The following CACNA1D variants were observed in gnomAD, a reference collection of about 807,000 sequenced individuals.
CACNA1D encodes voltage-dependent L-type calcium channel subunit alpha-1D.
Under a neutral mutation model 257.1 loss-of-function variants are expected in CACNA1D, and 55 were observed. The observed-to-expected ratio is 0.21, with a 90% CI of 0.17 to 0.27. CACNA1D has a LOEUF of 0.27. Ranked by LOEUF, CACNA1D falls within the 10% of genes least tolerant of loss-of-function variation. The pLI, the probability that CACNA1D is intolerant of heterozygous loss-of-function variation, is 1.00. For missense variants in CACNA1D, 1,876 were observed against 2,784.0 expected, an observed-to-expected ratio of 0.67 and a Z score of 7.34; for synonymous variants, 980 against 1,014.9, an observed-to-expected ratio of 0.97 and a Z score of 0.65.
In CACNA1D at chr3:53,800,773, G is replaced by A; in HGVS notation, c.5041-285G>A. Reference sequence around the variant, plus strand: ...AACCTTGGGGCCACCAGCCAGCCCAGCTGGGTATAAGTCACCCCAACTTGG... The same window carrying A: ...AACCTTGGGGCCACCAGCCAGCCCAACTGGGTATAAGTCACCCCAACTTGG... On this transcript the variant is annotated intron_variant, in intron 41 of 47. Coordinates refer to ENST00000350061, the MANE Select transcript of CACNA1D (RefSeq NM_001128840.3). This position sits in a 1 kb window ranked among gnomAD's most constrained non-coding sequence, Gnocchi z 4.3. The A allele has an allele frequency of 1.9e-6, 1 of 537,736 alleles. No homozygotes were observed. The highest frequency in any genetic ancestry group is 2.0e-5 in the South Asian group (1 of 49,610). 33.3% of individuals were successfully genotyped at this position (537,736 alleles called of 1,614,324 possible).
chr3:53,560,820 A>G (rs1405457088), intron 3 of CACNA1D, among the ~76,000 whole-genome samples: 1 of 152,234 alleles, frequency 6.6e-6, no homozygotes, highest in Non-Finnish European at 1.5e-5. Flanking sequence ...GCCAAAATTT[A>G]CTGACCACTA....
intron 3 of CACNA1D, among the ~76,000 whole-genome samples, chr3:53,579,533 A>G (rs889789690): frequency 6.6e-6 from 1 of 152,202 alleles, no homozygotes; most frequent in East Asian, 1.9e-4. Context: ...TTTGTCTCTT[A>G]CAAAGATTTG....
At chr3:53,716,768 G>A (rs1384096823) in intron 9 of CACNA1D, among the ~76,000 whole-genome samples, 1 of 152,162 alleles carries the variant, frequency 6.6e-6, no homozygotes, top group Admixed American at 6.5e-5. Flanking sequence ...TCCTGGGCAT[G>A]GCGTGGAGGC....
chr3:53,523,213 A>G (rs971354122), intron 3 of CACNA1D, among the ~76,000 whole-genome samples: 1 of 152,182 alleles, frequency 6.6e-6, no homozygotes, highest in Non-Finnish European at 1.5e-5. Context: ...GTGTTCTGAG[A>G]CAGTGACATG....
At chr3:53,791,216 C>G (rs983347561) in intron 40 of CACNA1D, 1 of 570,056 alleles carries the variant, frequency 1.8e-6, no homozygotes, top group Non-Finnish European at 3.1e-6. Context: ...ATCTGCGGAG[C>G]CAGGGCTGCC....
chr3:53,744,861 T>G (rs1206915931), intron 23 of CACNA1D, 34 bp downstream of exon 23: 1 of 1,274,310 alleles, frequency 7.8e-7, no homozygotes, highest in Admixed American at 1.7e-5. Context: ...TGGGCTGGCT[T>G]GGGTTGGGGT....
intron 3 of CACNA1D, among the ~76,000 whole-genome samples, chr3:53,646,206 A>C (rs1223009493): frequency 6.6e-6 from 1 of 152,192 alleles, no homozygotes; most frequent in Non-Finnish European, 1.5e-5. Flanking sequence ...AAGTTGGAAG[A>C]GGAATCTAGG....
intron 40 of CACNA1D, among the ~76,000 whole-genome samples, chr3:53,787,482 C>T (rs1453976732): frequency 7.5e-6 from 1 of 132,720 alleles, no homozygotes; most frequent in African/African-American, 3.1e-5. Flanking sequence ...GTGTCTGTCT[C>T]TGTATGTTGT....
chr3:53,725,277 A>G (rs1247505312), intron 14 of CACNA1D, among the ~76,000 whole-genome samples: 3 of 152,100 alleles, frequency 2.0e-5, no homozygotes, highest in Non-Finnish European at 2.9e-5. Flanking sequence ...TGCTTGGTCC[A>G]TAAAAGGCTG....
Position 53,802,209 on chromosome 3 carries a change from GT to G in CACNA1D, c.5435+37del, listed in dbSNP as rs1173859961. 3.3e-6 allele frequency: 5 copies of G among 1,516,178 alleles called. No individual in the cohort carries two copies. The African/African-American group carries it at 6.9e-5, about 21-fold the overall frequency. 93.9% of individuals were successfully genotyped at this position (1,516,178 alleles called of 1,614,324 possible). A position where few individuals can be genotyped will look rare whatever the true frequency, so the allele number is the denominator to read the frequency against. On this transcript the variant is annotated intron_variant, in intron 43 of 47. Coordinates refer to ENST00000350061, the MANE Select transcript of CACNA1D (RefSeq NM_001128840.3). ...ATTACCTGTTTTTGTGTTAAATACT[GT>G]GATGGTATGTTACCAGCTGGCCTCT...
chr3:53,802,224 C>G (rs749099093), intron 43 of CACNA1D, 51 bp downstream of exon 43: 1 of 1,398,970 alleles, frequency 7.1e-7, no homozygotes, highest in Non-Finnish European at 1.0e-6. Context: ...GGTATGTTAC[C>G]AGCTGGCCTC....
rs2095394663 is a variant in CACNA1D at position 53,775,910 on chromosome 3, G to A, written c.4227G>A (p.Gln1409=). The change falls in exon 35 of 48, where the codon CAG becomes CAA. Residue 1409 remains glutamine, a synonymous_variant. Coordinates refer to ENST00000350061, the MANE Select transcript of CACNA1D (RefSeq NM_001128840.3). ...GGTGTGCAACAGGTGAGGCCTGGCA[G>A]GAGATCATGCTGGCCTGTCTCCCAG... The part of the protein sequence containing the change: ...LFRCATGEAW[Q]EIMLACLPGK... The A allele has an allele frequency of 6.2e-7, 1 of 1,614,094 alleles. No individual in the cohort carries two copies. Among genetic ancestry groups the A allele is most frequent in the Non-Finnish European group, 8.5e-7 (1 of 1,180,034 alleles).
chr3:53,736,995 CA>C (rs1457900491), intron 20 of CACNA1D, among the ~76,000 whole-genome samples: 1 of 151,788 alleles, frequency 6.6e-6, no homozygotes, highest in Non-Finnish European at 1.5e-5. Context: ...TTCAACCAAC[CA>C]CAGATAGAAA....
chr3:53,496,589 G>A (rs1455601744), intron 1 of CACNA1D, among the ~76,000 whole-genome samples: 2 of 152,156 alleles, frequency 1.3e-5, no homozygotes, highest in African/African-American at 2.4e-5. Flanking sequence ...TTGTTATGGG[G>A]TTTTTGGTAT....
chr3:53,592,785 C>T lies in CACNA1D; in HGVS notation c.484-57994C>T, dbSNP rs548385453. Among the ~76,000 whole-genome samples the T allele has an allele frequency of 1.2e-4, 19 of 152,098 alleles. No homozygotes were observed. In the South Asian group the frequency reaches 3.3e-3, roughly 27 times the overall value. ...ATGGCACAACCTCAGCTCACTGCAA[C>T]CTCCGCCTCCTGGGTTCAAGCGATT... On this transcript the variant is annotated intron_variant, in intron 3 of 47. Coordinates refer to ENST00000350061, the MANE Select transcript of CACNA1D (RefSeq NM_001128840.3).
At chr3:53,780,188 T>C (rs2095418560) in intron 38 of CACNA1D, 60 bp downstream of exon 38, 2 of 1,329,936 alleles carry the variant, frequency 1.5e-6, no homozygotes, top group Non-Finnish European at 2.2e-6. Flanking sequence ...TCACATCCCA[T>C]CTTGCCTTCC....
chr3:53,614,793 G>C (rs537428925), intron 3 of CACNA1D, among the ~76,000 whole-genome samples: 26 of 152,240 alleles, frequency 1.7e-4, no homozygotes, highest in Middle Eastern at 3.4e-3. Flanking sequence ...CAGCTAACTT[G>C]GTTACAAGTG....
intron 3 of CACNA1D, among the ~76,000 whole-genome samples, chr3:53,507,657 A>G (rs966025462): frequency 6.6e-6 from 1 of 152,208 alleles, no homozygotes; most frequent in Admixed American, 6.5e-5. Context: ...GTTTTTTACT[A>G]TTAAAATTCC....
intron 3 of CACNA1D, among the ~76,000 whole-genome samples, chr3:53,545,682 C>T (rs2107548643): frequency 6.6e-6 from 1 of 152,246 alleles, no homozygotes; most frequent in Non-Finnish European, 1.5e-5. Flanking sequence ...CTCAAAATCC[C>T]TGGTGGTTAT....
Sources: gnomAD v4.1 joint callset for allele counts (sites outside exome capture counted in the v4.1 genomes callset) on GRCh38, gnomAD v4.1.1 for gene constraint, Gnocchi (gnomAD v3.1) non-coding constraint, MANE v1.5 for transcripts, NCBI Gene and HGNC (gene_info 2026-07-23, HGNC 2026-07-21) for gene names.